The following CAPZA2 variants were observed in gnomAD, a reference collection of about 807,000 sequenced individuals.
The protein encoded by CAPZA2 is capping actin protein of muscle Z-line subunit alpha 2.
Under a neutral mutation model 44.0 loss-of-function variants are expected in CAPZA2, and 13 were observed. The ratio of observed to expected loss-of-function variants is 0.30; its 90% CI spans 0.19 to 0.47. The LOEUF is 0.47. CAPZA2 is among the 20% of genes least tolerant of loss of function. The probability of loss-of-function intolerance (pLI) is 1.00; values close to 1 mark genes in which losing one functional copy is unlikely to be tolerated. For missense variants in CAPZA2, 244 were observed against 338.6 expected (o/e 0.72, Z 2.19); for synonymous variants, 94 against 108.2 (o/e 0.87, Z 0.81).
rs1585017287 is a variant in CAPZA2 at position 116,917,801 on chromosome 7, A to C, written c.795A>C (p.Thr265=). 1.2e-6 allele frequency: 2 copies of C among 1,611,228 alleles called. No individual in the cohort carries two copies. The highest frequency in any genetic ancestry group is 1.7e-6 in the Non-Finnish European group (2 of 1,177,320). ...FKALRRQLPV[T]RTKIDWNKIL... ...CCTTACGTCGACAGTTGCCAGTTAC[A>C]CGCACTAAGATTGATTGGAACAAGA... The change falls in exon 10 of 10, where the codon ACA becomes ACC. Residue 265 remains threonine, a synonymous_variant. Transcript: ENST00000361183.
intron 1 of CAPZA2, among the ~76,000 whole-genome samples, chr7:116,881,586 A>C (rs550698755): frequency 1.2e-4 from 18 of 151,936 alleles, no homozygotes; most frequent in Admixed American, 9.8e-4. Flanking sequence ...AAAAATACAA[A>C]AAATTAGCCG....
chr7:116,892,552 T>C (rs1796861177), intron 2 of CAPZA2, among the ~76,000 whole-genome samples: 1 of 152,032 alleles, frequency 6.6e-6, no homozygotes, highest in Non-Finnish European at 1.5e-5. Flanking sequence ...ACATTACATA[T>C]AGCAGGGGTG....
intron 1 of CAPZA2, chr7:116,875,637 C>A (rs951102977): frequency 6.6e-6 from 1 of 151,910 alleles, no homozygotes; most frequent in Middle Eastern, 3.2e-3. Flanking sequence ...TCCTTGACCT[C>A]CCAGGTTCAA....
intron 1 of CAPZA2, among the ~76,000 whole-genome samples, chr7:116,879,821 T>C (rs1264623268): frequency 6.6e-6 from 1 of 152,168 alleles, no homozygotes; most frequent in Non-Finnish European, 1.5e-5. Flanking sequence ...AATACTACAT[T>C]CCCTCACCAT....
rs1797001399 is a variant in CAPZA2 at position 116,901,921 on chromosome 7, A to ATGTGTG, written c.220-2255_220-2254insGTGTGT. The stretch of plus-strand genomic sequence containing the variant: ...TGTGTGTGTGTGTGTGTATGTGTGT[A>ATGTGTG]TATATATATATGTATATATTTATGA... On this transcript the variant is annotated intron_variant, in intron 4 of 9. Coordinates refer to ENST00000361183, the MANE Select transcript of CAPZA2 (RefSeq NM_006136.3). 2.3e-5 allele frequency among the ~76,000 whole-genome samples: 3 copies of ATGTGTG among 128,758 alleles called. 1 individual carries two copies. The highest frequency in any genetic ancestry group is 4.8e-4 in the South Asian group (2 of 4,164). 84.5% of individuals were successfully genotyped at this position (128,758 alleles called of 152,430 possible).
intron 6 of CAPZA2, chr7:116,909,974 T>G (rs1179160372): frequency 2.2e-6 from 1 of 445,506 alleles, no homozygotes; most frequent in East Asian, 4.5e-5. Flanking sequence ...CTGAATTGTA[T>G]TTTAAGCCTT....
chr7:116,909,045 C>T (rs887711452), intron 6 of CAPZA2, among the ~76,000 whole-genome samples: 3 of 152,040 alleles, frequency 2.0e-5, no homozygotes, highest in African/African-American at 7.2e-5. Flanking sequence ...ATCCCTAATT[C>T]AAAAATTCAA....
intron 1 of CAPZA2, among the ~76,000 whole-genome samples, chr7:116,871,896 G>T (rs1022713145): frequency 3.6e-4 from 55 of 152,108 alleles, no homozygotes; most frequent in African/African-American, 1.3e-3. Context: ...TTCAACTCTG[G>T]CTGCACATTA....
intron 1 of CAPZA2, among the ~76,000 whole-genome samples, chr7:116,863,243 C>G (rs937403749): frequency 2.6e-4 from 40 of 152,206 alleles, no homozygotes; most frequent in African/African-American, 8.7e-4. Flanking sequence ...AGGCATCTCT[C>G]CCTCCTTCTC....
chr7:116,899,321 A>G (rs1796965954), intron 4 of CAPZA2, among the ~76,000 whole-genome samples: 1 of 151,980 alleles, frequency 6.6e-6, no homozygotes, highest in South Asian at 2.1e-4. Context: ...TTTCTAATAA[A>G]TAGTGATTAT....
At chr7:116,896,183 C>G (rs1796924067) in intron 3 of CAPZA2, among the ~76,000 whole-genome samples, 1 of 151,670 alleles carries the variant, frequency 6.6e-6, no homozygotes, top group Non-Finnish European at 1.5e-5. Flanking sequence ...TTTCTTTGCC[C>G]TTTACCGTTT....
At chr7:116,871,057 T>C (rs536971979) in intron 1 of CAPZA2, among the ~76,000 whole-genome samples, 3 of 152,300 alleles carry the variant, frequency 2.0e-5, no homozygotes, top group African/African-American at 7.2e-5. Flanking sequence ...AGAGATTATA[T>C]AGAGATTTGA....
At chr7:116,896,348 G>A (rs75296177) in intron 3 of CAPZA2, among the ~76,000 whole-genome samples, 1 of 152,166 alleles carries the variant, frequency 6.6e-6, no homozygotes, top group East Asian at 1.9e-4. Flanking sequence ...TCCAGAAATA[G>A]CTTTTTATTC....
chr7:116,910,139 C>G (rs1585014514), intron 6 of CAPZA2, 94 bp from the exon 7 acceptor site: 1 of 748,600 alleles, frequency 1.3e-6, no homozygotes. Context: ...CCCCCACACT[C>G]TCTCATACTG....
chr7:116,866,728 A>G (rs1796488792), intron 1 of CAPZA2, among the ~76,000 whole-genome samples: 1 of 152,220 alleles, frequency 6.6e-6, no homozygotes, highest in Non-Finnish European at 1.5e-5. Flanking sequence ...AGTGATTACA[A>G]TAATCTGTCC....
At chr7:116,896,874 T>C (rs1796934879) in intron 3 of CAPZA2, among the ~76,000 whole-genome samples, 1 of 152,126 alleles carries the variant, frequency 6.6e-6, no homozygotes, top group African/African-American at 2.4e-5. Flanking sequence ...CAAACTACTG[T>C]TTTTGTATCT....
chr7:116,912,170 A>G (rs946905443), intron 8 of CAPZA2, 30 bp downstream of exon 8: 1 of 1,607,652 alleles, frequency 6.2e-7, no homozygotes, highest in Non-Finnish European at 8.5e-7. Context: ...ATAAAATTTA[A>G]CCTAATACTT....
At chr7:116,885,203 T>C (rs986796830) in intron 1 of CAPZA2, among the ~76,000 whole-genome samples, 3 of 152,302 alleles carry the variant, frequency 2.0e-5, no homozygotes, top group Non-Finnish European at 4.4e-5. Flanking sequence ...TTAACAGAAG[T>C]CTTCCACAGA....
At chr7:116,879,301 A>G (rs1354538584) in intron 1 of CAPZA2, among the ~76,000 whole-genome samples, 1 of 152,154 alleles carries the variant, frequency 6.6e-6, no homozygotes, top group Non-Finnish European at 1.5e-5. Flanking sequence ...GTCTGGCTCC[A>G]GAGATCATAC....
Sources: allele counts gnomAD v4.1 joint callset (sites outside exome capture counted in the v4.1 genomes callset), GRCh38; gene constraint gnomAD v4.1.1; transcripts MANE v1.5; gene names NCBI Gene and HGNC (gene_info 2026-07-23, HGNC 2026-07-21).